The following NKAIN2 variants were observed in gnomAD, a reference collection of about 807,000 sequenced individuals.
The protein encoded by NKAIN2 is sodium/potassium transporting ATPase interacting 2.
NKAIN2 carries 14 observed loss-of-function variants against 32.6 expected under a neutral mutation model. The observed-to-expected ratio is 0.43, with a 90% CI of 0.28 to 0.67. The LOEUF is 0.67. Ranked by LOEUF, NKAIN2 falls within the 30% of genes least tolerant of loss-of-function variation. The pLI, the probability that NKAIN2 is intolerant of heterozygous loss-of-function variation, is 0.17. For missense variants in NKAIN2, 198 were observed against 258.3 expected (o/e 0.77, Z 1.60); for synonymous variants, 80 against 87.2 (o/e 0.92, Z 0.46).
chr6:123,998,517 A>G (rs1405852563), intron 1 of NKAIN2, among the ~76,000 whole-genome samples: 1 of 152,124 alleles, frequency 6.6e-6, no homozygotes, highest in Non-Finnish European at 1.5e-5. Context: ...CTTCTTATCA[A>G]CTTCCAAATT....
At chr6:123,858,643 A>G (rs893291029) in intron 1 of NKAIN2, among the ~76,000 whole-genome samples, 37 of 152,338 alleles carry the variant, frequency 2.4e-4, no homozygotes, top group African/African-American at 8.7e-4. Flanking sequence ...ATGAGATTCT[A>G]GGCTGATGGA....
At chr6:124,569,688 C>T (rs543171569) in intron 3 of NKAIN2, among the ~76,000 whole-genome samples, 1 of 152,168 alleles carries the variant, frequency 6.6e-6, no homozygotes, top group African/African-American at 2.4e-5. Flanking sequence ...CTGAGACCTC[C>T]CCAGCCATGT....
chr6:124,097,528 A>G (rs1323831391), intron 1 of NKAIN2, among the ~76,000 whole-genome samples: 2 of 152,150 alleles, frequency 1.3e-5, no homozygotes, highest in East Asian at 1.9e-4. Flanking sequence ...GTAGCCTGTC[A>G]TTTTGCTATT....
At chr6:124,547,258 CTG>C (rs1260119272) in intron 3 of NKAIN2, among the ~76,000 whole-genome samples, 2 of 152,124 alleles carry the variant, frequency 1.3e-5, no homozygotes, top group South Asian at 2.1e-4. Context: ...ATGCTATAAA[CTG>C]TTAAAATATC....
At chr6:123,940,779 C>T (rs1281650959) in intron 1 of NKAIN2, among the ~76,000 whole-genome samples, 2 of 151,914 alleles carry the variant, frequency 1.3e-5, no homozygotes, top group Non-Finnish European at 2.9e-5. Context: ...ATGCGAAGGC[C>T]TAGGACATTA....
chr6:124,730,707 A>G (rs1413804223), intron 4 of NKAIN2, among the ~76,000 whole-genome samples: 5 of 151,206 alleles, frequency 3.3e-5, no homozygotes, highest in Admixed American at 1.3e-4. Flanking sequence ...AAAATTGACA[A>G]ATGGGATCTA....
At chr6:124,042,537 A>G (rs1264576092) in intron 1 of NKAIN2, among the ~76,000 whole-genome samples, 1 of 151,864 alleles carries the variant, frequency 6.6e-6, no homozygotes, top group Non-Finnish European at 1.5e-5. Flanking sequence ...CTCGTGGGGG[A>G]AAAAACCCAC....
chr6:124,399,126 C>T (rs1014834537), intron 3 of NKAIN2, among the ~76,000 whole-genome samples: 9 of 152,138 alleles, frequency 5.9e-5, no homozygotes, highest in Non-Finnish European at 1.3e-4. Context: ...AGGGTTTCAC[C>T]ATGTTGGCCA....
At chr6:124,469,586 A>G (rs752823494) in intron 3 of NKAIN2, among the ~76,000 whole-genome samples, 1 of 152,212 alleles carries the variant, frequency 6.6e-6, no homozygotes, top group East Asian at 1.9e-4. Context: ...AACAACAATC[A>G]TATAAAGCTA....
chr6:124,044,166 C>T (rs1782011187), intron 1 of NKAIN2, among the ~76,000 whole-genome samples: 1 of 151,956 alleles, frequency 6.6e-6, no homozygotes, highest in African/African-American at 2.4e-5. Context: ...AGGACTTCTC[C>T]ACTCACCATT....
chr6:123,936,659 T>C (rs1178444397), intron 1 of NKAIN2, among the ~76,000 whole-genome samples: 1 of 152,160 alleles, frequency 6.6e-6, no homozygotes, highest in African/African-American at 2.4e-5. Context: ...AATATTTTGG[T>C]TAACTGGCAG....
intron 1 of NKAIN2, among the ~76,000 whole-genome samples, chr6:123,872,117 T>G (rs979060483): frequency 6.6e-6 from 1 of 152,228 alleles, no homozygotes; most frequent in African/African-American, 2.4e-5. Context: ...TATTAATTTT[T>G]TTCATATTTT....
chr6:123,903,490 A>G (rs1334620782), intron 1 of NKAIN2, among the ~76,000 whole-genome samples: 2 of 152,206 alleles, frequency 1.3e-5, no homozygotes, highest in Admixed American at 6.6e-5. Context: ...TGTATATTCA[A>G]GTAGATAGGA....
At chr6:123,924,396 T>C (rs1775912575) in intron 1 of NKAIN2, among the ~76,000 whole-genome samples, 1 of 152,216 alleles carries the variant, frequency 6.6e-6, no homozygotes, top group Admixed American at 6.5e-5. Context: ...TGACTTTAAA[T>C]CATTTAGCTA....
At chr6:124,396,252 TTAA>T (rs1048586884) in intron 3 of NKAIN2, among the ~76,000 whole-genome samples, 3 of 151,696 alleles carry the variant, frequency 2.0e-5, no homozygotes, top group African/African-American at 7.3e-5. Flanking sequence ...ATTTAATAAT[TTAA>T]TAATAAATTG....
At chr6:124,087,687 T>A (rs1784246317) in intron 1 of NKAIN2, among the ~76,000 whole-genome samples, 4 of 151,916 alleles carry the variant, frequency 2.6e-5, no homozygotes, top group Admixed American at 2.6e-4. Context: ...AAATAGTCTA[T>A]TAAAAAGGAG....
intron 1 of NKAIN2, among the ~76,000 whole-genome samples, chr6:124,181,652 G>A (rs879521825): frequency 6.6e-6 from 1 of 152,148 alleles, no homozygotes; most frequent in African/African-American, 2.4e-5. Flanking sequence ...CAAGTTCAAA[G>A]TTCCATAAAT....
chr6:123,872,290 C>G (rs1772929642), intron 1 of NKAIN2, among the ~76,000 whole-genome samples: 1 of 152,160 alleles, frequency 6.6e-6, no homozygotes, highest in African/African-American at 2.4e-5. Context: ...AGTGTAATAT[C>G]AAGGATAATG....
chr6:124,644,497 C>T (rs901271124), intron 3 of NKAIN2, among the ~76,000 whole-genome samples: 6 of 151,858 alleles, frequency 4.0e-5, no homozygotes, highest in Non-Finnish European at 7.4e-5. Context: ...CTCCGCCTCC[C>T]GGGTTCAAGC....
Sources: allele counts gnomAD v4.1 joint callset (sites outside exome capture counted in the v4.1 genomes callset), GRCh38; gene constraint gnomAD v4.1.1; transcripts MANE v1.5; gene names NCBI Gene and HGNC (gene_info 2026-07-23, HGNC 2026-07-21).